Variants in FGGY observed in about 807,000 individuals in gnomAD.
FGGY encodes the protein FGGY carbohydrate kinase domain containing, also known as FGGY carbohydrate kinase domain-containing protein.
FGGY carries 72 observed loss-of-function variants against 71.3 expected under a neutral mutation model. The ratio of observed to expected loss-of-function variants is 1.01; its 90% confidence interval spans 0.84 to 1.23. The LOEUF is 1.23. Among genes scored for constraint, FGGY ranks in the 50% most tolerant of loss-of-function variants. The probability of loss-of-function intolerance (pLI) is 0.00; values close to 1 mark genes in which losing one functional copy is unlikely to be tolerated. For missense variants in FGGY, 668 were observed against 682.3 expected, an observed-to-expected ratio of 0.98 and a Z score of 0.23; for synonymous variants, 251 against 250.3, an observed-to-expected ratio of 1.00 and a Z score of -0.02.
chr1:59,638,182 C>T (rs370435959), intron 10 of FGGY, 46 bp from the exon 11 acceptor site: 392 of 1,589,262 alleles, frequency 2.5e-4, no homozygotes, highest in Non-Finnish European at 3.1e-4. Context: ...TGATTTGCTC[C>T]CTGACCCTAT....
chr1:59,593,117 G>T (rs1051114822), intron 8 of FGGY, among the ~76,000 whole-genome samples: 1 of 152,186 alleles, frequency 6.6e-6, no homozygotes, highest in Non-Finnish European at 1.5e-5. Context: ...CACTCTGTGT[G>T]GGACATTTAT....
chr1:59,674,395 T>C (rs1235771429), intron 14 of FGGY, among the ~76,000 whole-genome samples: 4 of 152,320 alleles, frequency 2.6e-5, no homozygotes, highest in African/African-American at 9.6e-5. Context: ...AATTATTCCT[T>C]TTAAATTTCC....
At chr1:59,598,713 T>C (rs372013998) in intron 8 of FGGY, among the ~76,000 whole-genome samples, 1 of 152,194 alleles carries the variant, frequency 6.6e-6, no homozygotes, top group East Asian at 1.9e-4. Context: ...AACCCCCAAA[T>C]AGAAGAGGAA....
intron 7 of FGGY, among the ~76,000 whole-genome samples, chr1:59,552,182 C>T (rs1034699857): frequency 2.0e-5 from 3 of 152,096 alleles, no homozygotes; most frequent in South Asian, 4.2e-4. Flanking sequence ...CAACAGAGCC[C>T]GAGTGGTGGA....
intron 14 of FGGY, among the ~76,000 whole-genome samples, chr1:59,754,267 G>A (rs928944797): frequency 6.6e-6 from 1 of 152,152 alleles, no homozygotes; most frequent in Non-Finnish European, 1.5e-5. Context: ...GATTTTTGGG[G>A]AGACCCCCTG....
intron 11 of FGGY, among the ~76,000 whole-genome samples, chr1:59,649,782 ACT>A (rs1331477323): frequency 7.0e-6 from 1 of 142,434 alleles, no homozygotes; most frequent in African/African-American, 2.9e-5. Context: ...AACTTCCAAC[ACT>A]GTGTTGAATA....
chr1:59,510,610 C>A (rs892156297), intron 6 of FGGY, among the ~76,000 whole-genome samples: 7 of 152,128 alleles, frequency 4.6e-5, no homozygotes, highest in African/African-American at 1.7e-4. Flanking sequence ...ATAATATGAG[C>A]CACATATGTA....
In FGGY at chr1:59,594,499, C is replaced by T. The variant is rs183210618; in HGVS notation, c.904-13304C>T. ...GCTGCATGGATCTGTGATTCCTGACCTGGGTACACCCCAACACTGCTTCTT... is the reference window on the plus strand; with the variant it reads ...GCTGCATGGATCTGTGATTCCTGACTTGGGTACACCCCAACACTGCTTCTT... On this transcript the variant is annotated intron_variant, in intron 8 of 15. Transcript: ENST00000303721. 1.1e-3 allele frequency among the ~76,000 whole-genome samples: 167 copies of T among 152,286 alleles called. 4 individuals carry two copies. The highest frequency in any genetic ancestry group is 3.3e-3 in the East Asian group (17 of 5,176).
chr1:59,752,514 G>A (rs571264499), intron 14 of FGGY, among the ~76,000 whole-genome samples: 30 of 152,318 alleles, frequency 2.0e-4, no homozygotes, highest in Non-Finnish European at 1.2e-4. Flanking sequence ...CTCAGGGTAG[G>A]GGAGAAGGTA....
At chr1:59,536,080 C>T (rs1166843274) in intron 7 of FGGY, among the ~76,000 whole-genome samples, 1 of 151,300 alleles carries the variant, frequency 6.6e-6, no homozygotes, top group African/African-American at 2.4e-5. Flanking sequence ...ATTGATAGAC[C>T]TCTAGCAAGA....
At chr1:59,393,450 T>TGCCC (rs1183994380) in intron 5 of FGGY, among the ~76,000 whole-genome samples, 1 of 152,216 alleles carries the variant, frequency 6.6e-6, no homozygotes, top group East Asian at 1.9e-4. Context: ...AAGTAAAGGC[T>TGCCC]GCCCGATAAG....
At chr1:59,709,253 C>T (rs2097776688) in intron 14 of FGGY, among the ~76,000 whole-genome samples, 1 of 152,288 alleles carries the variant, frequency 6.6e-6, no homozygotes, top group East Asian at 1.9e-4. Context: ...GGGAAGCAGG[C>T]ACATTCTTCA....
intron 14 of FGGY, among the ~76,000 whole-genome samples, chr1:59,712,330 G>T (rs1373498044): frequency 6.6e-6 from 1 of 152,176 alleles, no homozygotes; most frequent in African/African-American, 2.4e-5. Context: ...TCACAAGCTG[G>T]CATTGAGTGT....
In FGGY at chr1:59,340,011, C is replaced by T. The variant is rs746800060; in HGVS notation, c.255C>T (p.Ala85=). 3.7e-6 allele frequency: 6 copies of T among 1,613,234 alleles called. 1 individual carries two copies. The South Asian group carries it at 6.6e-5, about 18-fold the overall frequency. ...AAATTCGAGGACTTGGGTTTGATGC[C>T]ACGTGTTCTCTGGTTGTTTTGGATA... ...LNQIRGLGFD[A]TCSLVVLDKQ... The change falls in exon 3 of 16, where the codon GCC becomes GCT. Residue 85 remains alanine, a synonymous_variant. Transcript: ENST00000303721.
At chr1:59,314,066 C>T (rs12568514) in intron 1 of FGGY, among the ~76,000 whole-genome samples, 20,813 of 151,856 alleles carry the variant, frequency 0.14, 1,472 homozygotes, top group African/African-American at 0.18. Flanking sequence ...CCCAGGTTCA[C>T]GCCATTCTCC....
rs537803104 is a variant in FGGY, at chr1:59,567,797, G to A, written c.903+13570G>A. ...ACAGACTCACAGTCAAACTGGTCCT[G>A]AATATTAAATCTGATGGTTTCATTC... is the stretch of plus-strand genomic sequence containing the variant. On this transcript the variant is annotated intron_variant, in intron 8 of 15. Coordinates refer to ENST00000303721, the MANE Select transcript of FGGY (RefSeq NM_018291.5). 5.3e-5 allele frequency among the ~76,000 whole-genome samples: 8 copies of A among 151,358 alleles called. No homozygotes were observed. The South Asian group carries it at 1.7e-3, about 32-fold the overall frequency.
At chr1:59,444,940 T>C (rs1198963549) in intron 5 of FGGY, among the ~76,000 whole-genome samples, 1 of 152,162 alleles carries the variant, frequency 6.6e-6, no homozygotes, top group African/African-American at 2.4e-5. Flanking sequence ...TCTCTCCCTA[T>C]CTTTTTACAT....
At chr1:59,528,404 G>T in intron 7 of FGGY, among the ~76,000 whole-genome samples, 1 of 152,174 alleles carries the variant, frequency 6.6e-6, no homozygotes, top group Non-Finnish European at 1.5e-5. Context: ...TAGTGTGGTT[G>T]AACAGAGAGA....
At chr1:59,469,240 A>G (rs531584813) in intron 6 of FGGY, among the ~76,000 whole-genome samples, 1 of 152,350 alleles carries the variant, frequency 6.6e-6, no homozygotes, top group South Asian at 2.1e-4. Flanking sequence ...CTATAACAGA[A>G]TACTTGAGGT....
Sources: gnomAD v4.1 joint callset for allele counts (sites outside exome capture counted in the v4.1 genomes callset) on GRCh38, gnomAD v4.1.1 for gene constraint, MANE v1.5 for transcripts, NCBI Gene and HGNC (gene_info 2026-07-23, HGNC 2026-07-21) for gene names.